Variants in PTN observed in about 807,000 individuals in gnomAD.
PTN encodes pleiotrophin, also known as heparin affin regulatory protein.
PTN carries 18 observed loss-of-function variants against 24.1 expected under a neutral mutation model. The ratio of observed to expected loss-of-function variants is 0.75; its 90% CI spans 0.52 to 1.11. The LOEUF (loss-of-function observed/expected upper bound fraction) is 1.11. PTN is among the 50% of genes least tolerant of loss of function. The probability of loss-of-function intolerance (pLI) is 0.00; values close to 1 mark genes in which losing one functional copy is unlikely to be tolerated. For missense variants in PTN, 163 were observed against 198.8 expected, an observed-to-expected ratio of 0.82 and a Z score of 1.08; for synonymous variants, 78 against 68.6, an observed-to-expected ratio of 1.14 and a Z score of -0.67.
chr7:137,241,555 C>G (rs1014066109), intron 4 of PTN, among the ~76,000 whole-genome samples: 7 of 151,946 alleles, frequency 4.6e-5, no homozygotes, highest in African/African-American at 1.7e-4. Context: ...ATTTACCAAG[C>G]ATTCTTACTT....
intron 1 of PTN, among the ~76,000 whole-genome samples, chr7:137,267,260 CCTT>C (rs1585020900): frequency 2.0e-5 from 3 of 151,942 alleles, no homozygotes; most frequent in Middle Eastern, 6.8e-3. Context: ...TTTCTTGACT[CCTT>C]CTTTGTCTCT....
At chr7:137,310,324 A>G (rs1446391277) in intron 1 of PTN, among the ~76,000 whole-genome samples, 2 of 151,864 alleles carry the variant, frequency 1.3e-5, no homozygotes, top group Admixed American at 1.3e-4. Flanking sequence ...GGTTCAGCAT[A>G]ATTCTTAAGG....
intron 1 of PTN, among the ~76,000 whole-genome samples, chr7:137,278,264 G>A (rs1449388444): frequency 1.6e-5 from 2 of 123,782 alleles, no homozygotes; most frequent in Admixed American, 9.6e-5. Flanking sequence ...CCGAGATCGC[G>A]CCACTGCACT....
chr7:137,287,845 G>C (rs1272815897), intron 1 of PTN: 1 of 152,024 alleles, frequency 6.6e-6, no homozygotes, highest in Non-Finnish European at 1.5e-5. Flanking sequence ...AAGCCAGGGG[G>C]GGCGCTATTA....
At chr7:137,246,701 G>GAA (rs1337207772) in intron 4 of PTN, among the ~76,000 whole-genome samples, 2 of 152,092 alleles carry the variant, frequency 1.3e-5, no homozygotes, top group Non-Finnish European at 2.9e-5. Flanking sequence ...TCAGACATTA[G>GAA]GCAAGGTCCC....
intron 1 of PTN, among the ~76,000 whole-genome samples, chr7:137,330,241 G>A (rs542542628): frequency 3.3e-5 from 5 of 151,964 alleles, no homozygotes; most frequent in East Asian, 3.9e-4. Flanking sequence ...AGCTGAAATC[G>A]TGCCACTGCA....
chr7:137,241,676 C>A (rs1000937846), intron 4 of PTN, among the ~76,000 whole-genome samples: 1 of 152,098 alleles, frequency 6.6e-6, no homozygotes, highest in Non-Finnish European at 1.5e-5. Flanking sequence ...AGAGTTAGAT[C>A]TCCCCACTTC....
intron 1 of PTN, among the ~76,000 whole-genome samples, chr7:137,330,684 G>C (rs927755263): frequency 1.3e-5 from 2 of 152,148 alleles, no homozygotes; most frequent in Non-Finnish European, 2.9e-5. Flanking sequence ...GATTCCTCAG[G>C]CCCTGTTTTG....
At chr7:137,340,539 T>C (rs1305248715) in intron 1 of PTN, among the ~76,000 whole-genome samples, 1 of 152,154 alleles carries the variant, frequency 6.6e-6, no homozygotes. Flanking sequence ...GCCAATTGAC[T>C]CTGGATGGAA....
intron 1 of PTN, among the ~76,000 whole-genome samples, chr7:137,331,909 A>G (rs1810365602): frequency 6.6e-6 from 1 of 152,232 alleles, no homozygotes; most frequent in Admixed American, 6.5e-5. Flanking sequence ...GCACATCTGC[A>G]AGGACAAAGA....
chr7:137,232,457 G>A (rs1808444512), intron 4 of PTN, among the ~76,000 whole-genome samples: 1 of 151,844 alleles, frequency 6.6e-6, no homozygotes. Flanking sequence ...ACTTTGTGGG[G>A]GGTTTTTAAA....
At chr7:137,264,910 T>C (rs1809111222) in intron 1 of PTN, among the ~76,000 whole-genome samples, 1 of 152,064 alleles carries the variant, frequency 6.6e-6, no homozygotes, top group Non-Finnish European at 1.5e-5. Flanking sequence ...TTCTAGTGTT[T>C]TGAGAGATAG....
intron 1 of PTN, among the ~76,000 whole-genome samples, chr7:137,278,368 A>AC (rs1809406658): frequency 2.1e-5 from 3 of 145,304 alleles, no homozygotes; most frequent in African/African-American, 7.6e-5. Context: ...CAGATTGTCA[A>AC]ATTAGATAAA....
intron 1 of PTN, among the ~76,000 whole-genome samples, chr7:137,335,909 C>T (rs1443586093): frequency 6.7e-6 from 1 of 149,512 alleles, no homozygotes; most frequent in Non-Finnish European, 1.5e-5. Context: ...AGTTCAGCCT[C>T]ATTTAAGATG....
chr7:137,264,068 T>C (rs549901156), intron 1 of PTN, among the ~76,000 whole-genome samples: 1 of 152,344 alleles, frequency 6.6e-6, no homozygotes, highest in South Asian at 2.1e-4. Context: ...TTGAAACTTT[T>C]AGAACCTAGA....
intron 1 of PTN, among the ~76,000 whole-genome samples, chr7:137,329,944 T>A (rs1002611964): frequency 6.6e-6 from 1 of 152,286 alleles, no homozygotes; most frequent in East Asian, 1.9e-4. Flanking sequence ...AAGACAGTAA[T>A]GCAAGATTAG....
intron 1 of PTN, among the ~76,000 whole-genome samples, chr7:137,342,419 C>T (rs1175395141): frequency 6.6e-6 from 1 of 152,094 alleles, no homozygotes; most frequent in Non-Finnish European, 1.5e-5. Context: ...CTCTTAGCAC[C>T]CCTACCCCTC....
At chr7:137,310,621 G>A (rs190904593) in intron 1 of PTN, among the ~76,000 whole-genome samples, 42 of 152,022 alleles carry the variant, frequency 2.8e-4, no homozygotes, top group African/African-American at 9.9e-4. Context: ...GGCCAGGTTG[G>A]TCTCAATCTC....
In PTN at chr7:137,329,780, A is replaced by G. The variant is rs140279135; in HGVS notation, c.-2+13659T>C. On this transcript the variant is annotated intron_variant, in intron 1 of 4. Coordinates refer to ENST00000348225, the MANE Select transcript of PTN (RefSeq NM_002825.7). ...TATCTGCAACTGGCATATAGTGGGT[A>G]CTCCATCATTTTCAGGAATATCCAT... Among the ~76,000 whole-genome samples the G allele has an allele frequency of 8.1e-4, 124 of 152,212 alleles. 1 individual carries two copies. The highest frequency in any genetic ancestry group is 1.6e-3 in the Admixed American group (24 of 15,268).
Sources: allele counts gnomAD v4.1 joint callset (sites outside exome capture counted in the v4.1 genomes callset), GRCh38; gene constraint gnomAD v4.1.1; transcripts MANE v1.5; gene names NCBI Gene and HGNC (gene_info 2026-07-23, HGNC 2026-07-21).